Variants in CEP78 observed in about 807,000 individuals in gnomAD.
CEP78 encodes the protein centrosomal protein of 78 kDa.
Under a neutral mutation model 81.2 loss-of-function variants are expected in CEP78, and 76 were observed. That is an observed-to-expected ratio of 0.94 (90% CI 0.78 to 1.13). CEP78 has a LOEUF of 1.13. Ranked by LOEUF, CEP78 falls within the 50% of genes most tolerant of loss-of-function variation. The pLI is 0.00. For missense variants in CEP78, 918 were observed against 846.8 expected, an observed-to-expected ratio of 1.08 and a Z score of -1.04; for synonymous variants, 293 against 301.4, an observed-to-expected ratio of 0.97 and a Z score of 0.29.
chr9:78,268,831 T>A (rs959891961), intron 16 of CEP78, among the ~76,000 whole-genome samples: 3 of 152,094 alleles, frequency 2.0e-5, no homozygotes, highest in African/African-American at 7.2e-5. Context: ...TAATTTTTTG[T>A]ATTTTTCGTA....
In CEP78 at chr9:78,264,136, A is replaced by G. The variant is rs376098786; in HGVS notation, c.1459-14A>G. 7.3e-5 allele frequency: 104 copies of G among 1,420,462 alleles called. 1 individual carries two copies. Among genetic ancestry groups the G allele is most frequent in the Non-Finnish European group, 8.4e-5 (91 of 1,080,834 alleles). The allele number at this position is 1,420,462 out of a possible 1,614,324, so 88.0% of individuals were successfully genotyped here. A position where few individuals can be genotyped will look rare whatever the true frequency, so the allele number is the denominator to read the frequency against. On this transcript the variant is annotated splice_polypyrimidine_tract_variant and intron_variant, in intron 12 of 16. Coordinates refer to ENST00000643273, the MANE Select transcript of CEP78 (RefSeq NM_001330691.3). ...GAGAAAATCATGTCACACATTTTCA[A>G]TCTTCTTTTATAGCTGGAACATGAA... is the stretch of plus-strand genomic sequence containing the variant.
rs1827678367 is a variant in CEP78 at position 78,271,043 on chromosome 9, T to G, written c.*192T>G. On this transcript the variant is annotated 3_prime_UTR_variant, in exon 17 of 17. Transcript: ENST00000643273. The stretch of plus-strand genomic sequence containing the variant: ...TTTGCCACCAGGCTAAGAAAGCAGC[T>G]ATCTGAAGTGGGAGCTCTGACCCAA... 1 of 476,938 alleles carries G rather than the reference T, an allele frequency of 2.1e-6. No individual in the cohort carries two copies. Among genetic ancestry groups the G allele is most frequent in the Non-Finnish European group, 3.7e-6 (1 of 273,536 alleles). The allele number at this position is 476,938 out of a possible 1,614,324, so 29.5% of individuals were successfully genotyped here.
chr9:78,265,054 G>T (rs1827453458), intron 13 of CEP78, among the ~76,000 whole-genome samples: 1 of 151,572 alleles, frequency 6.6e-6, no homozygotes, highest in African/African-American at 2.4e-5. Context: ...GGCAGTAGGT[G>T]TGTGGTAGAA....
At chr9:78,238,125 CAAA>C (rs1018447867) in intron 1 of CEP78, among the ~76,000 whole-genome samples, 59 of 95,844 alleles carry the variant, frequency 6.2e-4, no homozygotes, top group Admixed American at 4.3e-3. Context: ...AACTCTGTCT[CAAA>C]AAAAAAAAAA....
intron 11 of CEP78, among the ~76,000 whole-genome samples, chr9:78,260,724 AAGTC>A (rs1827237234): frequency 6.6e-6 from 1 of 151,658 alleles, no homozygotes; most frequent in African/African-American, 2.4e-5. Flanking sequence ...AAAAAAAAAA[AAGTC>A]AGAGTTATGA....
intron 15 of CEP78, 39 bp downstream of exon 15, chr9:78,265,945 A>G: frequency 2.1e-6 from 2 of 971,960 alleles, no homozygotes; most frequent in Non-Finnish European, 3.2e-6. Flanking sequence ...AGAATAAGTA[A>G]TTCATATATA....
chr9:78,247,864 G>A (rs1353823477), intron 6 of CEP78, among the ~76,000 whole-genome samples: 1 of 152,166 alleles, frequency 6.6e-6, no homozygotes, highest in African/African-American at 2.4e-5. Flanking sequence ...AGGTGATTTT[G>A]CATACAACTG....
At position 78,236,125 on chromosome 9, in the gene CEP78, G is replaced by T. The variant is rs974422043; in HGVS notation, c.-226G>T. On this transcript the variant is annotated 5_prime_UTR_variant, in exon 1 of 17. Coordinates refer to ENST00000643273, the MANE Select transcript of CEP78 (RefSeq NM_001330691.3). ...ACTATGAGGCGGGCGCCAACTGCTT[G>T]GGCCGCAGGGCGGGAGGCAGCGCGG... 30 of 541,142 alleles carry T rather than the reference G, an allele frequency of 5.5e-5. No individual in the cohort carries two copies. In the African/African-American group the frequency reaches 6.1e-4, roughly 11 times the overall value. The allele number at this position is 541,142 out of a possible 1,614,324, so 33.5% of individuals were successfully genotyped here.
rs200336329 is a variant in CEP78 at position 78,239,992 on chromosome 9, A to G, written c.254-31A>G. The G allele has an allele frequency of 3.2e-5, 48 of 1,513,612 alleles. No individual in the cohort carries two copies. The East Asian group carries it at 1.1e-3, about 35-fold the overall frequency. 93.8% of individuals were successfully genotyped at this position (1,513,612 alleles called of 1,614,324 possible). A position where few individuals can be genotyped will look rare whatever the true frequency, so the allele number is the denominator to read the frequency against. The stretch of plus-strand genomic sequence containing the variant: ...TTTGAATGATACATTGTATGATTGA[A>G]GTCACTAACTTTCTTTTATCTTTGT... On this transcript the variant is annotated intron_variant, in intron 1 of 16. Transcript: ENST00000643273.
At chr9:78,247,979 A>G (rs916529278) in intron 6 of CEP78, among the ~76,000 whole-genome samples, 3 of 152,204 alleles carry the variant, frequency 2.0e-5, no homozygotes, top group African/African-American at 7.2e-5. Flanking sequence ...GCATCTAAGT[A>G]TCTGGACAGT....
rs570060187 is a variant in CEP78, at chr9:78,277,250, A to G, written c.*6399A>G. On this transcript the variant is annotated 3_prime_UTR_variant, in exon 17 of 17. Coordinates refer to ENST00000643273, the MANE Select transcript of CEP78 (RefSeq NM_001330691.3). Reference sequence around the variant, plus strand: ...TAAATGTGTAAGAAAGGCATTCCCAACCAAGACACAAAACCCAGTAGCCAT... The same window carrying G: ...TAAATGTGTAAGAAAGGCATTCCCAGCCAAGACACAAAACCCAGTAGCCAT... 1 of 152,276 alleles carries G rather than the reference A, an allele frequency of 6.6e-6. No homozygotes were observed. Among genetic ancestry groups the G allele is most frequent in the Non-Finnish European group, 1.5e-5 (1 of 67,998 alleles). 9.4% of individuals were successfully genotyped at this position (152,276 alleles called of 1,614,324 possible).
intron 1 of CEP78, among the ~76,000 whole-genome samples, chr9:78,238,951 T>G (rs1826088848): frequency 6.6e-6 from 1 of 151,916 alleles, no homozygotes; most frequent in Admixed American, 6.6e-5. Context: ...ATTTTGCCAC[T>G]GTACTCCAGC....
In CEP78 at chr9:78,236,542, CAATAA is replaced by C. The variant is rs757517647; in HGVS notation, c.194_198del (p.Asn65ArgfsTer21). On this transcript the variant is annotated frameshift_variant, in exon 1 of 17. Transcript: ENST00000643273. LOFTEE classifies it high-confidence loss of function. ...CGCCTCTGCTGAGCACCCTCAAGATCAATAAAGACCTGCCCTTGGTCTCCATCAAG... is the reference window on the plus strand; with the variant it reads ...CGCCTCTGCTGAGCACCCTCAAGATCAGACCTGCCCTTGGTCTCCATCAAG... 6.3e-7 allele frequency: 1 copy of C among 1,599,450 alleles called. No individual in the cohort carries two copies.
chr9:78,237,768 G>A (rs576569041), intron 1 of CEP78, among the ~76,000 whole-genome samples: 92 of 151,994 alleles, frequency 6.1e-4, no homozygotes, highest in Non-Finnish European at 1.1e-3. Flanking sequence ...AAATTGGAAG[G>A]ATGGTGAATT....
chr9:78,266,605 C>T lies in CEP78; in HGVS notation c.2009C>T (p.Ser670Phe), dbSNP rs748568833. 2 of 1,613,574 alleles carry T rather than the reference C, an allele frequency of 1.2e-6. No individual in the cohort carries two copies. The highest frequency in any genetic ancestry group is 2.2e-5 in the East Asian group (1 of 44,862). ...SFEGFIARMC[S>F]PSPDATSGTG... ...GAAGGATTCATTGCTAGAATGTGTT[C>T]TCCTTCACCAGATGCGACTTCTGGA... The change falls in exon 16 of 17, where the codon TCT becomes TTT. Residue 670 changes from serine (S) to phenylalanine (F), a missense_variant. Physicochemically the swap from Ser to Phe is radical, Grantham distance 155. Coordinates refer to ENST00000643273, the MANE Select transcript of CEP78 (RefSeq NM_001330691.3).
intron 4 of CEP78, 109 bp downstream of exon 4, chr9:78,241,908 C>T (rs1826252214): frequency 1.7e-6 from 1 of 574,124 alleles, no homozygotes; most frequent in Non-Finnish European, 3.0e-6. Flanking sequence ...ATGGGCATTG[C>T]AGTTTTAGTT....
In CEP78 at chr9:78,236,382, G is replaced by T. The variant is rs1181693885; in HGVS notation, c.32G>T (p.Ser11Ile). MIDSVKLRRD[S>I]AADFFSHYEY... is the part of the protein sequence containing the mutation. ...GACTCCGTGAAGCTGCGCCGCGACA[G>T]CGCGGCGGACTTCTTCTCCCACTAC... Residue 11 changes from serine (S) to isoleucine (I), a missense_variant, in exon 1 of 17, where the codon AGC (serine) becomes ATC (isoleucine). By Grantham distance (142) the Ser-to-Ile change is moderately radical. Coordinates refer to ENST00000643273, the MANE Select transcript of CEP78 (RefSeq NM_001330691.3). 1 of 1,589,004 alleles carries T rather than the reference G, an allele frequency of 6.3e-7. No individual in the cohort carries two copies. The highest frequency in any genetic ancestry group is 1.1e-5 in the South Asian group (1 of 88,028).
intron 12 of CEP78, among the ~76,000 whole-genome samples, chr9:78,263,287 C>T (rs1047474328): frequency 6.6e-6 from 1 of 152,004 alleles, no homozygotes. Context: ...TAGGCTTATA[C>T]TGTATATACA....
rs1460384172 is a variant in CEP78, at chr9:78,272,301, CA to C, written c.*1451del. 1 of 152,322 alleles carries C rather than the reference CA, an allele frequency of 6.6e-6. No homozygotes were observed. The highest frequency in any genetic ancestry group is 1.5e-5 in the Non-Finnish European group (1 of 68,168). 9.4% of individuals were successfully genotyped at this position (152,322 alleles called of 1,614,324 possible). ...TTGGCCTCCCAAAGTGCTGAGACTA[CA>C]GACCTGAGCCACTGTGCCCAGCCCC... On this transcript the variant is annotated 3_prime_UTR_variant, in exon 17 of 17. Coordinates refer to ENST00000643273, the MANE Select transcript of CEP78 (RefSeq NM_001330691.3).
Sources: gnomAD v4.1 joint callset for allele counts (sites outside exome capture counted in the v4.1 genomes callset) on GRCh38, gnomAD v4.1.1 for gene constraint, MANE v1.5 for transcripts, NCBI Gene and HGNC (gene_info 2026-07-23, HGNC 2026-07-21) for gene names.